Variants in HOOK2 observed in about 807,000 individuals in gnomAD.
HOOK2 encodes hook microtubule tethering protein 2.
A neutral mutation model predicts 111.9 loss-of-function variants in HOOK2; 108 were observed. The ratio of observed to expected loss-of-function variants is 0.96; its 90% CI spans 0.83 to 1.13. The LOEUF (loss-of-function observed/expected upper bound fraction) is 1.13, where lower values mean the gene tolerates loss of function less well. Among genes scored for constraint, HOOK2 ranks in the 50% most tolerant of loss-of-function variants. The pLI is 0.00. For synonymous variants in HOOK2, 405 were observed against 394.3 expected, an observed-to-expected ratio of 1.03 and a Z score of -0.32; for missense variants, 978 against 951.3, an observed-to-expected ratio of 1.03 and a Z score of -0.37.
intron 10 of HOOK2, 86 bp from the exon 11 acceptor site, chr19:12,770,168 G>A (rs1968275533): frequency 5.7e-6 from 7 of 1,219,976 alleles, no homozygotes; most frequent in Non-Finnish European, 7.6e-6. Flanking sequence ...AGCACAGGGT[G>A]TTGTTCAGCC....
upstream of HOOK2, chr19:12,775,739 G>A (rs2145780767): frequency 6.0e-6 from 2 of 332,966 alleles, no homozygotes; most frequent in Non-Finnish European, 5.4e-6. Context: ...TTGTGCATCC[G>A]AGGGTGGTCC....
At position 12,765,984 on chromosome 19, in the gene HOOK2, C is replaced by T. The variant is rs1199708119; in HGVS notation, c.1542G>A (p.Arg514=). 6.2e-7 allele frequency: 1 copy of T among 1,613,906 alleles called. No individual in the cohort carries two copies. The highest frequency in any genetic ancestry group is 1.3e-5 in the African/African-American group (1 of 74,934). The change falls in exon 16 of 23, where the codon CGG becomes CGA. Residue 514 remains arginine (R), a synonymous_variant. Coordinates refer to ENST00000397668, the MANE Select transcript of HOOK2 (RefSeq NM_013312.3). The part of the protein sequence containing the change: ...RLNQQQLSEL[R]AQVEDLQKAL... ...CTTTCTGCAGGTCCTCCACCTGGGCCCGCAGCTCGGATAGCTGCTGCTGGT... is the reference window on the plus strand; with the variant it reads ...CTTTCTGCAGGTCCTCCACCTGGGCTCGCAGCTCGGATAGCTGCTGCTGGT...
At chr19:12,775,098 C>T (rs1599507323) in intron 1 of HOOK2, 1 of 850,586 alleles carries the variant, frequency 1.2e-6, no homozygotes, top group East Asian at 1.2e-4. Context: ...CCAACAAACC[C>T]TGCGCGTCCA....
chr19:12,775,522 G>A lies in HOOK2; in HGVS notation c.-73C>T. The A allele has an allele frequency of 1.3e-6, 2 of 1,525,486 alleles. No individual in the cohort carries two copies. The highest frequency in any genetic ancestry group is 2.0e-5 in the Admixed American group (1 of 50,864). 94.5% of individuals were successfully genotyped at this position (1,525,486 alleles called of 1,614,324 possible). ...CAGCCTCCGGGTCCGCCACCAGCGA[G>A]CGCCCGCAGCCCCGACCTCCCGCTC... On this transcript the variant is annotated 5_prime_UTR_variant, in exon 1 of 23. Coordinates refer to ENST00000397668, the MANE Select transcript of HOOK2 (RefSeq NM_013312.3).
Position 12,765,023 on chromosome 19 carries a change from G to T in HOOK2, c.1699C>A (p.Leu567Met), listed in dbSNP as rs771417802. 1 of 1,614,168 alleles carries T rather than the reference G, an allele frequency of 6.2e-7. No homozygotes were observed. Among genetic ancestry groups the T allele is most frequent in the Non-Finnish European group, 8.5e-7 (1 of 1,180,018 alleles). ...CTGCTGCTGTCAGTGGGTGGCTCCA[G>T]CTCCTCAATGTACTCCCGCTTCCTC... ...LQRKREYIEE[L>M]EPPTDSSTAR... Residue 567 changes from leucine (L) to methionine (M), a missense_variant, in exon 19 of 23, where the codon CTG becomes ATG. Transcript: ENST00000397668.
Position 12,772,060 on chromosome 19 carries a change from T to C in HOOK2, c.519+130A>G. The C allele has an allele frequency of 2.6e-5, 19 of 725,870 alleles. 1 individual carries two copies. The highest frequency in any genetic ancestry group is 2.4e-4 in the South Asian group (15 of 61,474). The allele number at this position is 725,870 out of a possible 1,614,324, so 45.0% of individuals were successfully genotyped here. A position where few individuals can be genotyped will look rare whatever the true frequency, so the allele number is the denominator to read the frequency against. On this transcript the variant is annotated intron_variant, in intron 7 of 22. Transcript: ENST00000397668. ...CCTCCCCCTTAGGCTACCCTGAGCA[T>C]CTGTAAGTGGGGTCTGGACCTTTAA...
chr19:12,779,742 G>T (rs997197456), upstream of HOOK2, among the ~76,000 whole-genome samples: 1 of 151,872 alleles, frequency 6.6e-6, no homozygotes, highest in Admixed American at 6.6e-5. Context: ...GTGTCATAAG[G>T]CCTTCGAGTT....
upstream of HOOK2, among the ~76,000 whole-genome samples, chr19:12,780,583 C>T (rs898869124): frequency 2.0e-5 from 3 of 147,192 alleles, no homozygotes; most frequent in Non-Finnish European, 3.0e-5. Flanking sequence ...GTCTCGATCT[C>T]CTGACCTCAT....
intron 13 of HOOK2, 22 bp downstream of exon 13, chr19:12,767,794 C>A (rs1392824536): frequency 5.0e-6 from 8 of 1,596,848 alleles, no homozygotes; most frequent in African/African-American, 1.3e-5. Context: ...AGGTAAGACC[C>A]CGGGATGGGG....
At chr19:12,769,784 A>G in intron 11 of HOOK2, 97 bp downstream of exon 11, 1 of 1,033,974 alleles carries the variant, frequency 9.7e-7, no homozygotes, top group South Asian at 2.0e-5. Flanking sequence ...CTACGTACAA[A>G]TAAGGGAGGG....
chr19:12,767,096 G>A (rs1968176898), intron 14 of HOOK2, among the ~76,000 whole-genome samples: 1 of 152,184 alleles, frequency 6.6e-6, no homozygotes, highest in South Asian at 2.1e-4. Flanking sequence ...CACTAACAGG[G>A]GTGGACGCTG....
chr19:12,781,913 C>T (rs926511990), upstream of HOOK2, among the ~76,000 whole-genome samples: 11 of 151,872 alleles, frequency 7.2e-5, no homozygotes, highest in African/African-American at 2.7e-4. Flanking sequence ...AATCGCTGCT[C>T]AGTGCAGCCT....
upstream of HOOK2, chr19:12,775,582 C>G: frequency 1.3e-6 from 1 of 789,112 alleles, no homozygotes; most frequent in Non-Finnish European, 1.7e-6. Context: ...CCCCCCTAGG[C>G]GCAGGCCCCG....
chr19:12,782,747 C>T (rs1344767374), upstream of HOOK2, among the ~76,000 whole-genome samples: 1 of 152,200 alleles, frequency 6.6e-6, no homozygotes, highest in Non-Finnish European at 1.5e-5. Flanking sequence ...GCCGGTGAAA[C>T]CCGGGAGGGG....
In HOOK2 at chr19:12,767,852, A is replaced by G. The variant is rs749615718; in HGVS notation, c.1267T>C (p.Cys423Arg). The G allele has an allele frequency of 5.0e-6, 8 of 1,606,074 alleles. No homozygotes were observed. Among genetic ancestry groups the G allele is most frequent in the Non-Finnish European group, 5.9e-6 (7 of 1,179,890 alleles). ...AACCCCCGCGGCTGCAGCTGGGCGC[A>G]GCGCAGCTCCTCATTGGCCTCCCGC... The part of the protein sequence containing the change: ...SLREANEELR[C>R]AQLQPRGLTQ... The change falls in exon 13 of 23, where the codon TGC (cysteine) becomes CGC (arginine). Residue 423 changes from cysteine to arginine, a missense_variant. Physicochemically the swap from Cys to Arg is radical, Grantham distance 180. Transcript: ENST00000397668.
At chr19:12,775,592 G>A, upstream of HOOK2, 2 of 559,986 alleles carry the variant, frequency 3.6e-6, no homozygotes, top group African/African-American at 7.5e-5. Context: ...CGCAGGCCCC[G>A]CCCCGCCCCC....
chr19:12,770,134 G>A, intron 10 of HOOK2, 52 bp from the exon 11 acceptor site: 1 of 1,412,450 alleles, frequency 7.1e-7, no homozygotes, highest in South Asian at 1.4e-5. Context: ...TCAGGGGTCA[G>A]CTGGGATGTG....
chr19:12,792,014 G>A, intron 3 of HOOK2: 3 of 1,611,788 alleles, frequency 1.9e-6, no homozygotes, highest in Non-Finnish European at 1.7e-6. Context: ...CGTCTCTCAA[G>A]CTCGCCTCTT....
chr19:12,764,912 G>C lies in HOOK2; in HGVS notation c.1729C>G (p.Arg577Gly). Residue 577 changes from arginine (R) to glycine (G), a missense_variant, in exon 20 of 23, where the codon CGG (arginine) becomes GGG (glycine). Arg to Gly is a moderately radical substitution (Grantham distance 125). This residue lies in a region of HOOK2 where 277 missense variants were observed against 265.8 expected (regional missense o/e 1.04). Transcript: ENST00000397668. ...TTATGCTGCAGCTCCTCGATCCGCC[G>C]GGCTGCTGGCGGAAGAGGTGGCCCA... ...LEPPTDSSTA[R>G]RIEELQHNLQ... 6.2e-7 allele frequency: 1 copy of C among 1,614,120 alleles called. No homozygotes were observed. The highest frequency in any genetic ancestry group is 1.1e-5 in the South Asian group (1 of 91,076).
Sources: gnomAD v4.1 joint callset for allele counts (sites outside exome capture counted in the v4.1 genomes callset) on GRCh38, gnomAD v4.1.1 for gene constraint, gnomAD v4.1.1 regional missense constraint, MANE v1.5 for transcripts, NCBI Gene and HGNC (gene_info 2026-07-23, HGNC 2026-07-21) for gene names.